AUTS2: variants seen among roughly 807,000 people sequenced by gnomAD.
AUTS2 encodes autism susceptibility gene 2 protein.
AUTS2 carries 17 observed loss-of-function variants against 112.4 expected under a neutral mutation model. The observed-to-expected ratio is 0.15, with a 90% CI of 0.10 to 0.23. AUTS2 has a LOEUF of 0.23. Ranked by LOEUF, AUTS2 falls within the 10% of genes least tolerant of loss-of-function variation. The pLI is 1.00. For synonymous variants in AUTS2, 751 were observed against 702.7 expected (o/e 1.07, Z -1.09); for missense variants, 1,510 against 1,701.6 (o/e 0.89, Z 1.98).
intron 1 of AUTS2, among the ~76,000 whole-genome samples, chr7:69,789,617 A>G (rs1269501710): frequency 6.6e-6 from 1 of 152,218 alleles, no homozygotes; most frequent in Non-Finnish European, 1.5e-5. Flanking sequence ...TAGGATCAAC[A>G]TTAGCAGACC....
intron 4 of AUTS2, among the ~76,000 whole-genome samples, chr7:70,148,171 A>G (rs932129661): frequency 2.3e-4 from 35 of 152,102 alleles, no homozygotes; most frequent in African/African-American, 8.0e-4. Context: ...GTAAATAGGA[A>G]GGCCAATTTT....
chr7:69,876,484 GTATATATATATATATATATATA>G (rs58131271), intron 1 of AUTS2, among the ~76,000 whole-genome samples: 3,760 of 54,064 alleles, frequency 0.07, 366 homozygotes, highest in Non-Finnish European at 0.091. Flanking sequence ...AATATTTTGT[GTATATATATATATATATATATA>G]TATATATATA....
At chr7:70,085,625 C>T (rs1350758683) in intron 2 of AUTS2, among the ~76,000 whole-genome samples, 1 of 152,184 alleles carries the variant, frequency 6.6e-6, no homozygotes, top group Non-Finnish European at 1.5e-5. Flanking sequence ...CCTCGCCCTC[C>T]CAAAGAGCTG....
chr7:70,086,199 CA>C (rs1562677121), intron 2 of AUTS2, among the ~76,000 whole-genome samples: 1 of 152,134 alleles, frequency 6.6e-6, no homozygotes, highest in South Asian at 2.1e-4. Context: ...TAAATTTCTT[CA>C]AAAAGACCTG....
chr7:70,734,686 T>C (rs993876871), intron 6 of AUTS2, among the ~76,000 whole-genome samples: 1 of 152,082 alleles, frequency 6.6e-6, no homozygotes, highest in African/African-American at 2.4e-5. Context: ...AAATAGAAAA[T>C]AAAGCCATAT....
chr7:70,328,222 G>C (rs1436463803), intron 4 of AUTS2, among the ~76,000 whole-genome samples: 1 of 152,008 alleles, frequency 6.6e-6, no homozygotes, highest in African/African-American at 2.4e-5. Context: ...TTTGTGTGTG[G>C]TTTTGCTTGT....
At chr7:70,628,390 A>G (rs1392850596) in intron 5 of AUTS2, among the ~76,000 whole-genome samples, 1 of 148,588 alleles carries the variant, frequency 6.7e-6, no homozygotes, top group African/African-American at 2.5e-5. Context: ...TATATAAATT[A>G]TATAAGCTTC....
chr7:69,647,547 G>A (rs1388834511), intron 1 of AUTS2, among the ~76,000 whole-genome samples: 1 of 151,956 alleles, frequency 6.6e-6, no homozygotes, highest in African/African-American at 2.4e-5. Context: ...CTAGAGATGA[G>A]GTCTCACTAT....
At chr7:70,373,877 T>C (rs868228108) in intron 4 of AUTS2, among the ~76,000 whole-genome samples, 2 of 152,190 alleles carry the variant, frequency 1.3e-5, no homozygotes, top group Non-Finnish European at 2.9e-5. Flanking sequence ...GAATCGTATA[T>C]ACTGTTTAGA....
chr7:70,762,036 C>CA (rs551825616), intron 6 of AUTS2, among the ~76,000 whole-genome samples: 2 of 152,086 alleles, frequency 1.3e-5, no homozygotes, highest in African/African-American at 2.4e-5. Flanking sequence ...ACTTGCTGAA[C>CA]AAAAAATTAT....
chr7:70,041,768 T>C (rs1156596085), intron 2 of AUTS2, among the ~76,000 whole-genome samples: 1 of 152,220 alleles, frequency 6.6e-6, no homozygotes, highest in Non-Finnish European at 1.5e-5. Context: ...GGGGAATGGA[T>C]AATTATTTTG....
At position 70,417,976 on chromosome 7, in the gene AUTS2, A is replaced by G. The variant is rs556461422; in HGVS notation, c.661-17776A>G. 3.4e-4 allele frequency among the ~76,000 whole-genome samples: 52 copies of G among 152,182 alleles called. No individual in the cohort carries two copies. In the Middle Eastern group the frequency reaches 0.01, roughly 30 times the overall value. ...AAGGAGGCAAGCTCCTTGGAGGCTA[A>G]GGATCATTTGGACCTCCCTGGGATT... On this transcript the variant is annotated intron_variant, in intron 4 of 18. Coordinates refer to ENST00000342771, the MANE Select transcript of AUTS2 (RefSeq NM_015570.4).
In AUTS2 at chr7:69,876,313, G is replaced by A. The variant is rs184104249; in HGVS notation, c.310-22973G>A. Among the ~76,000 whole-genome samples the A allele has an allele frequency of 1.0e-3, 95 of 94,614 alleles. 2 individuals are homozygous for A. Among genetic ancestry groups the A allele is most frequent in the Non-Finnish European group, 4.5e-4 (24 of 53,374 alleles). 62.1% of individuals were successfully genotyped at this position (94,614 alleles called of 152,430 possible). A position where few individuals can be genotyped will look rare whatever the true frequency, so the allele number is the denominator to read the frequency against. On this transcript the variant is annotated intron_variant, in intron 1 of 18. Coordinates refer to ENST00000342771, the MANE Select transcript of AUTS2 (RefSeq NM_015570.4). ...TGCACTCCAGCCTGGGTGATGGAGCGAGACTCTGTCTCAAAAAAAAAAAAA... is the reference window on the plus strand; with the variant it reads ...TGCACTCCAGCCTGGGTGATGGAGCAAGACTCTGTCTCAAAAAAAAAAAAA...
chr7:70,618,056 G>A (rs1359616878), intron 5 of AUTS2, among the ~76,000 whole-genome samples: 6 of 152,188 alleles, frequency 3.9e-5, no homozygotes, highest in African/African-American at 1.4e-4. Context: ...AGGAACCTTC[G>A]AAGGAAACTC....
At chr7:70,325,297 C>T (rs1173864448) in intron 4 of AUTS2, among the ~76,000 whole-genome samples, 8 of 151,636 alleles carry the variant, frequency 5.3e-5, no homozygotes, top group East Asian at 3.9e-4. Flanking sequence ...TCACTCCAGC[C>T]GGAGTGACAG....
chr7:69,612,207 G>C (rs1010771273), intron 1 of AUTS2, among the ~76,000 whole-genome samples: 2 of 152,068 alleles, frequency 1.3e-5, no homozygotes, highest in Non-Finnish European at 2.9e-5. Context: ...CTTAGTTTTG[G>C]GGGTATTTCA....
At chr7:70,004,254 ATG>A (rs1381288692) in intron 2 of AUTS2, among the ~76,000 whole-genome samples, 1 of 136,604 alleles carries the variant, frequency 7.3e-6, no homozygotes, top group African/African-American at 2.7e-5. Flanking sequence ...AATGTGTTAT[ATG>A]TGAATATATT....
At chr7:70,539,357 C>T (rs998887673) in intron 5 of AUTS2, among the ~76,000 whole-genome samples, 3 of 152,144 alleles carry the variant, frequency 2.0e-5, no homozygotes, top group African/African-American at 7.2e-5. Flanking sequence ...TGTTGTGAGG[C>T]CAACAACCAG....
chr7:70,507,127 G>A (rs1479570894), intron 5 of AUTS2, among the ~76,000 whole-genome samples: 1 of 152,216 alleles, frequency 6.6e-6, no homozygotes, highest in East Asian at 1.9e-4. Context: ...GGAAATAAGT[G>A]TAAATTGTAA....
Sources: allele counts gnomAD v4.1 joint callset (sites outside exome capture counted in the v4.1 genomes callset), GRCh38; gene constraint gnomAD v4.1.1; transcripts MANE v1.5; gene names NCBI Gene and HGNC (gene_info 2026-07-23, HGNC 2026-07-21).